The following KLHL12 variants were observed in gnomAD, a reference collection of about 807,000 sequenced individuals.
KLHL12 encodes the protein kelch like family member 12.
A neutral mutation model predicts 60.8 loss-of-function variants in KLHL12; 17 were observed. The ratio of observed to expected loss-of-function variants is 0.28; its 90% CI spans 0.19 to 0.42. KLHL12 has a LOEUF of 0.42. Among genes scored for constraint, KLHL12 ranks in the 10% least tolerant of loss-of-function variants. The pLI, the probability that KLHL12 is intolerant of heterozygous loss-of-function variation, is 1.00. For missense variants in KLHL12, 468 were observed against 722.3 expected (o/e 0.65, Z 4.04); for synonymous variants, 220 against 250.9 (o/e 0.88, Z 1.16).
chr1:202,923,353 T>C (rs747152767), intron 2 of KLHL12, among the ~76,000 whole-genome samples: 3 of 152,176 alleles, frequency 2.0e-5, no homozygotes, highest in Non-Finnish European at 4.4e-5. Context: ...CTTCTGATGA[T>C]CTTGGGTATA....
At chr1:202,896,741 A>G in intron 7 of KLHL12, 113 bp downstream of exon 7, 1 of 816,582 alleles carries the variant, frequency 1.2e-6, no homozygotes, top group Non-Finnish European at 2.1e-6. Context: ...CTGTTGTAAG[A>G]AACATCCTGT....
In KLHL12 at chr1:202,895,418, AT is replaced by A. The variant is rs200334208; in HGVS notation, c.1135+103del. The A allele has an allele frequency of 3.5e-3, 3,474 of 1,005,224 alleles. 56 individuals are homozygous for A. In the East Asian group the frequency reaches 0.043, roughly 12 times the overall value. 62.3% of individuals were successfully genotyped at this position (1,005,224 alleles called of 1,614,324 possible). ...CAAATAATAATAACATTTGACCTTA[AT>A]TTTTTCTCCGTATTTCATGCTCCTG... On this transcript the variant is annotated intron_variant, in intron 8 of 11. Coordinates refer to ENST00000367261, the MANE Select transcript of KLHL12 (RefSeq NM_021633.4). The surrounding 1 kb of genome is among the most constrained non-coding windows in gnomAD (Gnocchi z 4.2).
chr1:202,897,735 CTT>C (rs1263803181), intron 6 of KLHL12, among the ~76,000 whole-genome samples: 1 of 152,030 alleles, frequency 6.6e-6, no homozygotes, highest in African/African-American at 2.4e-5. Context: ...TTTAAAATCT[CTT>C]TTTCTTTTTC....
chr1:202,892,833 A>G (rs530691425), intron 11 of KLHL12, among the ~76,000 whole-genome samples, 174 bp from the exon 12 acceptor site: 3 of 152,238 alleles, frequency 2.0e-5, no homozygotes, highest in Middle Eastern at 3.4e-3. Flanking sequence ...TTAAAGAAAG[A>G]AAGAAAGAAA....
chr1:202,905,708 A>G (rs1244699070), intron 6 of KLHL12, among the ~76,000 whole-genome samples: 1 of 152,202 alleles, frequency 6.6e-6, no homozygotes, highest in African/African-American at 2.4e-5. Flanking sequence ...CCCAAATCCA[A>G]AATGCTTCAA....
Position 202,895,402 on chromosome 1 carries a change from A to G in KLHL12, c.1135+120T>C, listed in dbSNP as rs542578200. On this transcript the variant is annotated intron_variant, in intron 8 of 11. Coordinates refer to ENST00000367261, the MANE Select transcript of KLHL12 (RefSeq NM_021633.4). This position sits in a 1 kb window ranked among gnomAD's most constrained non-coding sequence, Gnocchi z 4.2. ...GAGAGAGACCCTGTCTCAAATAATA[A>G]TAACATTTGACCTTAATTTTTTCTC... 8 of 841,440 alleles carry G rather than the reference A, an allele frequency of 9.5e-6. No individual in the cohort carries two copies. The highest frequency in any genetic ancestry group is 3.7e-4 in the Middle Eastern group (1 of 2,730). 52.1% of individuals were successfully genotyped at this position (841,440 alleles called of 1,614,324 possible).
Position 202,925,030 on chromosome 1 carries a change from G to A in KLHL12, c.133C>T (p.Pro45Ser), listed in dbSNP as rs754879170. ...VTLRVEQKDF[P>S]AHRIVLAACS... is the part of the protein sequence containing the mutation. Reference sequence around the variant, plus strand: ...GCAGCCAGCACAATCCGATGGGCAGGGAAGTCTTTCTGCTCTACTCTCAAT... The same window carrying A: ...GCAGCCAGCACAATCCGATGGGCAGAGAAGTCTTTCTGCTCTACTCTCAAT... Residue 45 changes from proline to serine, a missense_variant, in exon 2 of 12, where the codon CCT becomes TCT. By Grantham distance (74) the Pro-to-Ser change is moderately conservative. This residue lies in a region of KLHL12 where 61 missense variants were observed against 59.9 expected (regional missense o/e 1.02). Coordinates refer to ENST00000367261, the MANE Select transcript of KLHL12 (RefSeq NM_021633.4). 1 of 1,614,118 alleles carries A rather than the reference G, an allele frequency of 6.2e-7. No individual in the cohort carries two copies. Among genetic ancestry groups the A allele is most frequent in the Non-Finnish European group, 8.5e-7 (1 of 1,179,992 alleles).
upstream of KLHL12, among the ~76,000 whole-genome samples, chr1:202,927,962 C>G (rs1425601583): frequency 9.4e-6 from 1 of 106,528 alleles, no homozygotes; most frequent in Non-Finnish European, 1.9e-5. Context: ...GCTGGGCGAC[C>G]GACTGAGACT....
intron 4 of KLHL12, 104 bp downstream of exon 4, chr1:202,918,067 G>A (rs1374613367): frequency 5.9e-6 from 5 of 843,756 alleles, no homozygotes; most frequent in Non-Finnish European, 9.6e-6. Flanking sequence ...GAGCCAAAAT[G>A]CACACTTAAT....
chr1:202,913,377 G>C (rs1407719586), intron 4 of KLHL12, among the ~76,000 whole-genome samples: 5 of 152,072 alleles, frequency 3.3e-5, no homozygotes, highest in African/African-American at 1.2e-4. Context: ...ACTGTGAATA[G>C]ATAAAAAAAA....
chr1:202,920,886 G>C (rs114296224), intron 2 of KLHL12, among the ~76,000 whole-genome samples: 1 of 152,122 alleles, frequency 6.6e-6, no homozygotes, highest in Non-Finnish European at 1.5e-5. Context: ...ACATAACACT[G>C]GTCCGTGAAC....
chr1:202,912,598 G>A, intron 4 of KLHL12: 4 of 1,312,236 alleles, frequency 3.0e-6, no homozygotes, highest in Non-Finnish European at 4.3e-6. Flanking sequence ...GACCCATGAA[G>A]GGAGGAAACT....
chr1:202,911,939 A>T (rs1660375430), intron 4 of KLHL12: 6 of 822,940 alleles, frequency 7.3e-6, no homozygotes. Flanking sequence ...ATGCTCACGG[A>T]CTGTGTGGTA....
chr1:202,926,104 C>CA (rs368473168), intron 1 of KLHL12, among the ~76,000 whole-genome samples: 2,517 of 58,934 alleles, frequency 0.043, 58 homozygotes, highest in African/African-American at 0.08. Flanking sequence ...GACTCTGTCT[C>CA]AAAAAAAAAA....
At chr1:202,896,826 C>T in intron 7 of KLHL12, 28 bp downstream of exon 7, 1 of 1,524,132 alleles carries the variant, frequency 6.6e-7, no homozygotes, top group Non-Finnish European at 9.1e-7. Context: ...TAACATCCCT[C>T]CCAACGAATG....
At chr1:202,894,108 G>C in intron 10 of KLHL12, 76 bp downstream of exon 10, 1 of 789,520 alleles carries the variant, frequency 1.3e-6, no homozygotes, top group Non-Finnish European at 2.1e-6. Context: ...TCTACGGTTT[G>C]TCCCATGCAC....
chr1:202,915,576 C>G (rs1571536930), intron 4 of KLHL12, among the ~76,000 whole-genome samples: 1 of 152,148 alleles, frequency 6.6e-6, no homozygotes, highest in Non-Finnish European at 1.5e-5. Context: ...TATTCCAAAG[C>G]CTGTATAGTT....
chr1:202,896,811 A>G, intron 7 of KLHL12, 43 bp downstream of exon 7: 2 of 1,399,124 alleles, frequency 1.4e-6, no homozygotes, highest in South Asian at 2.3e-5. Flanking sequence ...GAGACTGAGG[A>G]CATTTAACAT....
At chr1:202,923,571 C>T (rs951579235) in intron 2 of KLHL12, among the ~76,000 whole-genome samples, 9 of 152,092 alleles carry the variant, frequency 5.9e-5, no homozygotes, top group Non-Finnish European at 8.8e-5. Flanking sequence ...GAGGCTAAGG[C>T]GGCACAAGAG....
Sources: gnomAD v4.1 joint callset for allele counts (sites outside exome capture counted in the v4.1 genomes callset) on GRCh38, gnomAD v4.1.1 for gene constraint, gnomAD v4.1.1 regional missense constraint, Gnocchi (gnomAD v3.1) non-coding constraint, MANE v1.5 for transcripts, NCBI Gene and HGNC (gene_info 2026-07-23, HGNC 2026-07-21) for gene names.